The following SRP68 variants were observed in gnomAD, a reference collection of about 807,000 sequenced individuals.
SRP68 encodes the protein signal recognition particle 68.
In SRP68, 15 loss-of-function variants were observed where a neutral mutation model predicts 82.2. The ratio of observed to expected loss-of-function variants is 0.18; its 90% CI spans 0.12 to 0.28. The LOEUF (loss-of-function observed/expected upper bound fraction) is 0.28, where lower values mean the gene tolerates loss of function less well. Ranked by LOEUF, SRP68 falls within the 10% of genes least tolerant of loss-of-function variation. SRP68 has a pLI of 1.00. For synonymous variants in SRP68, 261 were observed against 292.6 expected (o/e 0.89, Z 1.10); for missense variants, 595 against 780.5 (o/e 0.76, Z 2.83).
intron 6 of SRP68, chr17:76,060,828 C>G: frequency 5.1e-6 from 2 of 393,832 alleles, no homozygotes; most frequent in Non-Finnish European, 9.1e-6. Context: ...GAACCTAAAA[C>G]TGCTCTAAAA....
Position 76,043,928 on chromosome 17 carries a change from C to A in SRP68, c.1425G>T (p.Leu475=). Residue 475 remains leucine, a synonymous_variant, in exon 13 of 16, where the codon CTG becomes CTT. Transcript: ENST00000307877. ...CAAGGGCTTCGCTCCACTTCTTCAC[C>A]AGCACATAGGACTGAGCAATGAAAA... ...RCFFIAQSYV[L]VKKWSEALVL... 3 of 1,611,030 alleles carry A rather than the reference C, an allele frequency of 1.9e-6. No homozygotes were observed. The highest frequency in any genetic ancestry group is 2.5e-6 in the Non-Finnish European group (3 of 1,179,156).
intron 10 of SRP68, among the ~76,000 whole-genome samples, chr17:76,047,562 T>C (rs947269026): frequency 2.0e-5 from 3 of 152,118 alleles, no homozygotes; most frequent in African/African-American, 7.2e-5. Context: ...GATGGGCAGA[T>C]TGCTTGAGTC....
intron 8 of SRP68, among the ~76,000 whole-genome samples, chr17:76,052,909 C>A (rs1219058838): frequency 6.7e-6 from 1 of 150,312 alleles, no homozygotes; most frequent in Non-Finnish European, 1.5e-5. Flanking sequence ...CACATGTATC[C>A]CAGAACTTAA....
Position 76,040,895 on chromosome 17 carries a change from G to C in SRP68, c.1600+8C>G, listed in dbSNP as rs778983298. ...TCTGGGGATACAAAGGCCAGGCAGG[G>C]GGCTCACCAAGGATGGCTGCGGCCT... On this transcript the variant is annotated splice_region_variant and intron_variant, in intron 14 of 15. Coordinates refer to ENST00000307877, the MANE Select transcript of SRP68 (RefSeq NM_014230.4). The C allele has an allele frequency of 1.5e-5, 24 of 1,613,632 alleles. No homozygotes were observed. Among genetic ancestry groups the C allele is most frequent in the Admixed American group, 1.0e-4 (6 of 59,968 alleles).
intron 6 of SRP68, chr17:76,060,823 T>C (rs1346929801): frequency 2.6e-6 from 1 of 391,370 alleles, no homozygotes; most frequent in Non-Finnish European, 4.6e-6. Context: ...GCTGTGAACC[T>C]AAAACTGCTC....
intron 10 of SRP68, 104 bp from the exon 11 acceptor site, chr17:76,046,298 T>C (rs1311196025): frequency 1.7e-6 from 2 of 1,203,658 alleles, no homozygotes; most frequent in Non-Finnish European, 1.2e-6. Context: ...AGGGGGCGGG[T>C]GGGGGCGTGG....
At chr17:76,060,256 C>T in intron 7 of SRP68, 52 bp downstream of exon 7, 1 of 1,211,904 alleles carries the variant, frequency 8.3e-7, no homozygotes, top group South Asian at 1.3e-5. Context: ...ATGAATTACT[C>T]CTTCTGGACT....
At position 76,071,309 on chromosome 17, in the gene SRP68, G is replaced by T. The variant is rs2066851273; in HGVS notation, c.185-865C>A. ...TATTAAGGTTTTTCTTTCAAAAGAAGAATGGCCAGATTCTCCTTTTAATAA... is the reference window on the plus strand; with the variant it reads ...TATTAAGGTTTTTCTTTCAAAAGAATAATGGCCAGATTCTCCTTTTAATAA... On this transcript the variant is annotated intron_variant, in intron 1 of 15. Transcript: ENST00000307877. This position sits in a 1 kb window ranked among gnomAD's most constrained non-coding sequence, Gnocchi z 4.7. Among the ~76,000 whole-genome samples, 1 of 152,188 alleles carries T rather than the reference G, an allele frequency of 6.6e-6. No individual in the cohort carries two copies. The highest frequency in any genetic ancestry group is 2.4e-5 in the African/African-American group (1 of 41,442).
At chr17:76,059,092 A>G (rs2066732353) in intron 7 of SRP68, among the ~76,000 whole-genome samples, 1 of 152,032 alleles carries the variant, frequency 6.6e-6, no homozygotes, top group Non-Finnish European at 1.5e-5. Context: ...CCAAAAAACA[A>G]AAAAAAGTTA....
intron 12 of SRP68, 52 bp downstream of exon 12, chr17:76,045,240 G>A (rs1176775078): frequency 5.6e-6 from 8 of 1,425,734 alleles, no homozygotes; most frequent in Non-Finnish European, 7.9e-6. Flanking sequence ...TGCTCCCAAT[G>A]CTTATAGAAC....
intron 4 of SRP68, among the ~76,000 whole-genome samples, chr17:76,062,526 ATATAATATACATTATATAT>A (rs2066761629): frequency 3.4e-5 from 4 of 117,116 alleles, no homozygotes; most frequent in Non-Finnish European, 6.6e-5. Flanking sequence ...ATTATATATT[ATATAATATACATTATATAT>A]TATATAATAT....
rs1251500551 is a variant in SRP68, at chr17:76,060,402, A to G, written c.755-12T>C. 1 of 1,607,218 alleles carries G rather than the reference A, an allele frequency of 6.2e-7. No homozygotes were observed. The highest frequency in any genetic ancestry group is 1.7e-5 in the Admixed American group (1 of 59,712). ...GGCTGACTGGTCCCCTAAGAGAGAA[A>G]GACAGGAAAATCTTCAAGGGTCTGG... is the stretch of plus-strand genomic sequence containing the variant. On this transcript the variant is annotated splice_polypyrimidine_tract_variant and intron_variant, in intron 6 of 15. Coordinates refer to ENST00000307877, the MANE Select transcript of SRP68 (RefSeq NM_014230.4).
chr17:76,069,178 A>G (rs1301006094), intron 2 of SRP68, among the ~76,000 whole-genome samples: 1 of 151,604 alleles, frequency 6.6e-6, no homozygotes. Flanking sequence ...ACTTGAGGTC[A>G]GGAGTTCGAG....
intron 13 of SRP68, among the ~76,000 whole-genome samples, chr17:76,042,608 G>T (rs1467852676): frequency 2.0e-5 from 3 of 151,738 alleles, no homozygotes; most frequent in Non-Finnish European, 4.4e-5. Flanking sequence ...ATTTTGAGAT[G>T]GAGTCTTGCT....
intron 13 of SRP68, chr17:76,041,722 A>C (rs2066591621): frequency 6.6e-6 from 1 of 151,432 alleles, no homozygotes; most frequent in South Asian, 2.1e-4. Context: ...GGTCTCTTTT[A>C]TTTCTTCTGC....
intron 4 of SRP68, chr17:76,061,796 C>T (rs1005993499): frequency 6.9e-6 from 2 of 291,758 alleles, no homozygotes. Context: ...CCTGCCTCTA[C>T]AAAAAAATTT....
At chr17:76,063,845 C>T in intron 4 of SRP68, 131 bp downstream of exon 4, 6 of 690,140 alleles carry the variant, frequency 8.7e-6, no homozygotes, top group Non-Finnish European at 1.3e-5. Context: ...CTCTTAAAAG[C>T]AAGTTCGGAA....
chr17:76,039,603 C>T lies in SRP68; in HGVS notation c.*103G>A, dbSNP rs766573217. Reference sequence around the variant, plus strand: ...GGCCGAAGATGTTAAACTCTTGCCCCGGGCCAATGCAGACCTGGATTTAAT... The same window carrying T: ...GGCCGAAGATGTTAAACTCTTGCCCTGGGCCAATGCAGACCTGGATTTAAT... On this transcript the variant is annotated 3_prime_UTR_variant, in exon 16 of 16. Transcript: ENST00000307877. The T allele has an allele frequency of 8.1e-5, 92 of 1,142,138 alleles. No individual in the cohort carries two copies. Among genetic ancestry groups the T allele is most frequent in the Non-Finnish European group, 1.1e-4 (84 of 796,644 alleles). 70.8% of individuals were successfully genotyped at this position (1,142,138 alleles called of 1,614,324 possible). A position where few individuals can be genotyped will look rare whatever the true frequency, so the allele number is the denominator to read the frequency against.
At chr17:76,066,853 G>T (rs2066811028) in intron 3 of SRP68, among the ~76,000 whole-genome samples, 1 of 151,760 alleles carries the variant, frequency 6.6e-6, no homozygotes, top group African/African-American at 2.4e-5. Flanking sequence ...TCAGCCTCCT[G>T]AGTAGCTGGG....
Sources: gnomAD v4.1 joint callset for allele counts (sites outside exome capture counted in the v4.1 genomes callset) on GRCh38, gnomAD v4.1.1 for gene constraint, Gnocchi (gnomAD v3.1) non-coding constraint, MANE v1.5 for transcripts, NCBI Gene and HGNC (gene_info 2026-07-23, HGNC 2026-07-21) for gene names.